The following ABCA10 variants were observed in gnomAD, a reference collection of about 807,000 sequenced individuals.
ABCA10 encodes the protein ATP-binding cassette sub-family A member 10.
A neutral mutation model predicts 187.5 loss-of-function variants in ABCA10; 169 were observed. That is an observed-to-expected ratio of 0.90 (90% CI 0.80 to 1.02). The LOEUF is 1.02. Ranked by LOEUF, ABCA10 falls within the 50% of genes least tolerant of loss-of-function variation. The pLI is 0.00. For missense variants in ABCA10, 1,727 were observed against 1,812.4 expected, an observed-to-expected ratio of 0.95 and a Z score of 0.86; for synonymous variants, 574 against 601.8, an observed-to-expected ratio of 0.95 and a Z score of 0.68.
chr17:69,221,961 T>C (rs1025107035), intron 4 of ABCA10, 66 bp from the exon 5 acceptor site: 14 of 1,224,220 alleles, frequency 1.1e-5, no homozygotes, highest in Non-Finnish European at 1.3e-5. Context: ...ATTAAAACTT[T>C]AACTTTGGCT....
chr17:69,209,321 A>C (rs2074617586), intron 9 of ABCA10, among the ~76,000 whole-genome samples: 1 of 102,182 alleles, frequency 9.8e-6, no homozygotes, highest in Non-Finnish European at 2.7e-5. Flanking sequence ...TTATCTAATT[A>C]GAGAATTCAA....
At chr17:69,155,734 C>A (rs938686424) in intron 29 of ABCA10, 71 bp downstream of exon 29, 30 of 1,511,070 alleles carry the variant, frequency 2.0e-5, no homozygotes, top group Non-Finnish European at 2.6e-5. Context: ...AAAATAAAAA[C>A]CAACATCTCA....
In ABCA10 at chr17:69,182,727, C is replaced by T. The variant is rs929996015; in HGVS notation, c.2579G>A (p.Gly860Asp). The change falls in exon 21 of 39, where the codon GGC (glycine) becomes GAC (aspartate). Residue 860 changes from glycine to aspartate, a missense_variant. Gly to Asp is a moderately conservative substitution (Grantham distance 94). Transcript: ENST00000690296. ...TCCATTGTAGGAGGGATCATCTGAGCCATTTCTGTTTCTAAAGTCATCTAT... is the reference window on the plus strand; with the variant it reads ...TCCATTGTAGGAGGGATCATCTGAGTCATTTCTGTTTCTAAAGTCATCTAT... ...LEIDDFRNRN[G>D]SDDPSYNGAI... 2.5e-6 allele frequency: 4 copies of T among 1,612,334 alleles called. No homozygotes were observed. In the Admixed American group the frequency reaches 5.0e-5, roughly 20 times the overall value.
upstream of ABCA10, chr17:69,228,885 G>A (rs1049391289): frequency 2.0e-5 from 3 of 151,960 alleles, no homozygotes; most frequent in Non-Finnish European, 4.4e-5. Context: ...CACAAAAAAA[G>A]AGATCAAATT....
Position 69,214,768 on chromosome 17 carries a change from GAA to G in ABCA10, c.940_941del (p.Phe314HisfsTer5). The G allele has an allele frequency of 6.6e-7, 1 of 1,513,224 alleles. No homozygotes were observed. 93.7% of individuals were successfully genotyped at this position (1,513,224 alleles called of 1,614,324 possible). A position where few individuals can be genotyped will look rare whatever the true frequency, so the allele number is the denominator to read the frequency against. Reference sequence around the variant, plus strand: ...AGAAAAGAGTATCAAATGCCAAAATGAAAAAAGTGGCTATCATTTTGTATGAA... The same window carrying G: ...AGAAAAGAGTATCAAATGCCAAAATGAAAAGTGGCTATCATTTTGTATGAA... ...GDSYKMIATFFILAFDTLFYL... is the reference protein window; with the variant it reads ...GDSYKMIATFXILAFDTLFYL... On this transcript the variant is annotated frameshift_variant, in exon 9 of 39. Coordinates refer to ENST00000690296, the MANE Select transcript of ABCA10 (RefSeq NM_001377321.1). LOFTEE classifies it high-confidence loss of function.
chr17:69,161,001 A>G (rs1259460120), intron 27 of ABCA10, among the ~76,000 whole-genome samples: 1 of 152,234 alleles, frequency 6.6e-6, no homozygotes, highest in African/African-American at 2.4e-5. Flanking sequence ...GAAGTAATGC[A>G]AATGTTTATT....
At chr17:69,206,953 C>G (rs1205412073) in intron 9 of ABCA10, among the ~76,000 whole-genome samples, 1 of 151,834 alleles carries the variant, frequency 6.6e-6, no homozygotes, top group Non-Finnish European at 1.5e-5. Flanking sequence ...TTTGCACAGC[C>G]AGGAAAGGAA....
chr17:69,162,419 A>G (rs1483646399), intron 27 of ABCA10, among the ~76,000 whole-genome samples: 1 of 152,192 alleles, frequency 6.6e-6, no homozygotes, highest in Non-Finnish European at 1.5e-5. Flanking sequence ...GGGACAAAGA[A>G]TGATAACATC....
chr17:69,196,754 C>A (rs2074506888), intron 11 of ABCA10, among the ~76,000 whole-genome samples: 1 of 152,210 alleles, frequency 6.6e-6, no homozygotes, highest in South Asian at 2.1e-4. Flanking sequence ...ACTCCGTCTG[C>A]AATCCCAGCA....
At chr17:69,216,975 G>A (rs1017645896) in intron 6 of ABCA10, among the ~76,000 whole-genome samples, 6 of 152,074 alleles carry the variant, frequency 3.9e-5, no homozygotes, top group South Asian at 2.1e-4. Flanking sequence ...TGCCAGGCAC[G>A]GTGGCTCACG....
chr17:69,170,815 C>CATTA (rs1343786308), intron 25 of ABCA10, among the ~76,000 whole-genome samples: 4 of 152,038 alleles, frequency 2.6e-5, no homozygotes, highest in Admixed American at 6.6e-5. Flanking sequence ...CACCTTGGAC[C>CATTA]ATTAAGTAAA....
intron 19 of ABCA10, among the ~76,000 whole-genome samples, chr17:69,186,515 A>C (rs1182372963): frequency 6.6e-6 from 1 of 152,156 alleles, no homozygotes; most frequent in Non-Finnish European, 1.5e-5. Flanking sequence ...TCCCGACTTC[A>C]CATTGCCTTT....
intron 22 of ABCA10, among the ~76,000 whole-genome samples, chr17:69,176,063 C>T (rs932962218): frequency 6.6e-6 from 1 of 152,060 alleles, no homozygotes; most frequent in Non-Finnish European, 1.5e-5. Flanking sequence ...CATCAGAAAG[C>T]AAAATCACTG....
intron 23 of ABCA10, 92 bp from the exon 24 acceptor site, chr17:69,174,869 T>C: frequency 9.0e-7 from 1 of 1,111,512 alleles, no homozygotes; most frequent in East Asian, 2.6e-5. Context: ...ATTTTAGAAA[T>C]AGTATGTTAT....
chr17:69,188,354 T>A (rs1373396794), intron 18 of ABCA10, among the ~76,000 whole-genome samples: 1 of 152,062 alleles, frequency 6.6e-6, no homozygotes, highest in Non-Finnish European at 1.5e-5. Context: ...GAGTCCCACA[T>A]ATACCACACA....
chr17:69,182,890 G>C, intron 20 of ABCA10, 82 bp from the exon 21 acceptor site: 2 of 1,489,356 alleles, frequency 1.3e-6, no homozygotes, highest in Non-Finnish European at 1.8e-6. Flanking sequence ...AATAATGATT[G>C]CCAATCGTGT....
At chr17:69,218,125 A>G (rs1394991355) in intron 6 of ABCA10, among the ~76,000 whole-genome samples, 1 of 152,156 alleles carries the variant, frequency 6.6e-6, no homozygotes, top group African/African-American at 2.4e-5. Flanking sequence ...CACAGTATAT[A>G]CAACTATGAT....
At chr17:69,163,039 G>A (rs567877142) in intron 27 of ABCA10, among the ~76,000 whole-genome samples, 3 of 152,244 alleles carry the variant, frequency 2.0e-5, no homozygotes, top group South Asian at 4.2e-4. Context: ...GTTTCACCAT[G>A]TTGCCCAGGC....
chr17:69,207,767 A>AG (rs1197467971), intron 9 of ABCA10, among the ~76,000 whole-genome samples: 1 of 152,156 alleles, frequency 6.6e-6, no homozygotes, highest in African/African-American at 2.4e-5. Flanking sequence ...GTGGAGAGAG[A>AG]GCAGGGATTG....
Sources: gnomAD v4.1 joint callset for allele counts (sites outside exome capture counted in the v4.1 genomes callset) on GRCh38, gnomAD v4.1.1 for gene constraint, MANE v1.5 for transcripts, NCBI Gene and HGNC (gene_info 2026-07-23, HGNC 2026-07-21) for gene names.